The following NRDE2 variants were observed in gnomAD, a reference collection of about 807,000 sequenced individuals.
NRDE2 encodes NRDE-2, necessary for RNA interference, domain containing, also known as nuclear exosome regulator NRDE2.
In NRDE2, 76 loss-of-function variants were observed where a neutral mutation model predicts 124.2. The ratio of observed to expected loss-of-function variants is 0.61; its 90% CI spans 0.51 to 0.74. The LOEUF (loss-of-function observed/expected upper bound fraction) is 0.74. Ranked by LOEUF, NRDE2 falls within the 30% of genes least tolerant of loss-of-function variation. NRDE2 has a pLI of 0.00. For missense variants in NRDE2, 1,314 were observed against 1,417.3 expected, an observed-to-expected ratio of 0.93 and a Z score of 1.17; for synonymous variants, 489 against 528.1, an observed-to-expected ratio of 0.93 and a Z score of 1.01.
At chr14:90,330,901 T>G (rs1277640216) in intron 1 of NRDE2, among the ~76,000 whole-genome samples, 1 of 151,914 alleles carries the variant, frequency 6.6e-6, no homozygotes, top group Non-Finnish European at 1.5e-5. Context: ...TTGCGCCCTG[T>G]CACATATGGC....
chr14:90,320,508 A>C (rs189534967), intron 1 of NRDE2, among the ~76,000 whole-genome samples: 1 of 152,340 alleles, frequency 6.6e-6, no homozygotes, highest in East Asian at 1.9e-4. Context: ...TCAAGATGAG[A>C]TTTGCAGGGG....
chr14:90,290,384 C>T lies in NRDE2; in HGVS notation c.2066G>A (p.Cys689Tyr). 2 of 1,614,158 alleles carry T rather than the reference C, an allele frequency of 1.2e-6. No homozygotes were observed. The highest frequency in any genetic ancestry group is 1.7e-6 in the Non-Finnish European group (2 of 1,180,032). The change falls in exon 10 of 14, where the codon TGT becomes TAT. Residue 689 changes from cysteine (C) to tyrosine (Y), a missense_variant. By Grantham distance (194) the Cys-to-Tyr change is radical (BLOSUM62 -2). Coordinates refer to ENST00000354366, the MANE Select transcript of NRDE2 (RefSeq NM_017970.4). ...FFNPLFSGAS[C>Y]VGRMDRLGYP... ...GCCCAACCTATCCATGCGGCCAACA[C>T]AGCTAGCCCCAGAAAACAAAGGGTT...
intron 4 of NRDE2, among the ~76,000 whole-genome samples, chr14:90,308,366 C>T (rs542168469): frequency 2.6e-5 from 4 of 152,132 alleles, no homozygotes; most frequent in Non-Finnish European, 4.4e-5. Flanking sequence ...GGGATGCTCA[C>T]GGGAGTAGAG....
chr14:90,279,896 C>T (rs1364845395), intron 12 of NRDE2: 1 of 152,294 alleles, frequency 6.6e-6, no homozygotes, highest in African/African-American at 2.4e-5. Flanking sequence ...TCCACCCACC[C>T]CGTCCTGCAG....
chr14:90,297,244 A>T (rs781762441), intron 8 of NRDE2, among the ~76,000 whole-genome samples: 9 of 152,162 alleles, frequency 5.9e-5, no homozygotes, highest in Non-Finnish European at 1.2e-4. Flanking sequence ...AAAGAATGCA[A>T]AATACCTAGT....
In NRDE2 at chr14:90,279,119, A is replaced by G. The variant is rs368054420; in HGVS notation, c.3312T>C (p.Asn1104=). 1.7e-4 allele frequency: 277 copies of G among 1,611,880 alleles called. No homozygotes were observed. The highest frequency in any genetic ancestry group is 2.3e-4 in the Non-Finnish European group (274 of 1,177,996). Reference sequence around the variant, plus strand: ...AGAATACACCTTTGCTTCTTTCTTTATTTCCTAAGGAAACCTGAGGTGAGG... The same window carrying G: ...AGAATACACCTTTGCTTCTTTCTTTGTTTCCTAAGGAAACCTGAGGTGAGG... ...MYLNFLVSLG[N]KERSKGVFYK... is the part of the protein sequence containing the mutation. Residue 1104 remains asparagine, a synonymous_variant, in exon 13 of 14, where the codon AAT becomes AAC. Transcript: ENST00000354366.
chr14:90,290,078 AC>A, intron 10 of NRDE2, 142 bp downstream of exon 10: 6 of 845,220 alleles, frequency 7.1e-6, no homozygotes, highest in Non-Finnish European at 1.1e-5. Context: ...GGGCAAACAC[AC>A]ACAAGGTGCC....
Position 90,269,798 on chromosome 14 carries a change from C to A in NRDE2, c.*8538G>T. 1 of 426,290 alleles carries A rather than the reference C, an allele frequency of 2.3e-6. No individual in the cohort carries two copies. Among genetic ancestry groups the A allele is most frequent in the Non-Finnish European group, 4.1e-6 (1 of 243,232 alleles). The allele number at this position is 426,290 out of a possible 1,614,324, so 26.4% of individuals were successfully genotyped here. Reference sequence around the variant, plus strand: ...CTTTTCCATAACATTCCCTTTTTAGCCTCAAGAACTTGCTGCTTTTTCTGG... The same window carrying A: ...CTTTTCCATAACATTCCCTTTTTAGACTCAAGAACTTGCTGCTTTTTCTGG... On this transcript the variant is annotated 3_prime_UTR_variant, in exon 14 of 14. Coordinates refer to ENST00000354366, the MANE Select transcript of NRDE2 (RefSeq NM_017970.4).
At chr14:90,313,106 T>C (rs185462655) in intron 3 of NRDE2, among the ~76,000 whole-genome samples, 1 of 151,224 alleles carries the variant, frequency 6.6e-6, no homozygotes, top group Admixed American at 6.6e-5. Flanking sequence ...CACTTAGGCT[T>C]GGTCTCAGCC....
In NRDE2 at chr14:90,292,882, AATG is replaced by A; in HGVS notation, c.1667-13_1667-11del. ...TCATCGTCATCCTCATCTAGACAAG[AATG>A]AGACTTCTTCACCTCATCAGCAAAT... is the stretch of plus-strand genomic sequence containing the variant. On this transcript the variant is annotated splice_polypyrimidine_tract_variant and intron_variant, in intron 8 of 13. Transcript: ENST00000354366. 6.2e-7 allele frequency: 1 copy of A among 1,608,374 alleles called. No homozygotes were observed. Among genetic ancestry groups the A allele is most frequent in the Admixed American group, 1.7e-5 (1 of 59,846 alleles).
intron 7 of NRDE2, among the ~76,000 whole-genome samples, chr14:90,300,770 G>GA (rs1884363684): frequency 7.2e-6 from 1 of 138,468 alleles, no homozygotes; most frequent in Admixed American, 7.6e-5. Flanking sequence ...TGTAAGGGTG[G>GA]AAGAGAGTAA....
In NRDE2 at chr14:90,273,386, CA is replaced by C. The variant is rs1057286633; in HGVS notation, c.*4949del. Reference sequence around the variant, plus strand: ...CAGCCTGGCCAACATGGTGAAACCCCATCTTTACTAAAAATACAAAAATTAG... The same window carrying C: ...CAGCCTGGCCAACATGGTGAAACCCCTCTTTACTAAAAATACAAAAATTAG... On this transcript the variant is annotated 3_prime_UTR_variant, in exon 14 of 14. Transcript: ENST00000354366. The C allele has an allele frequency of 1.5e-4, 11 of 72,738 alleles. No individual in the cohort carries two copies. The highest frequency in any genetic ancestry group is 3.6e-4 in the African/African-American group (11 of 30,944). The allele number at this position is 72,738 out of a possible 1,614,324, so 4.5% of individuals were successfully genotyped here. A position where few individuals can be genotyped will look rare whatever the true frequency, so the allele number is the denominator to read the frequency against.
rs1178295514 is a variant in NRDE2 at position 90,274,098 on chromosome 14, G to A, written c.*4238C>T. 1.3e-5 allele frequency: 2 copies of A among 154,646 alleles called. No homozygotes were observed. Among genetic ancestry groups the A allele is most frequent in the East Asian group, 1.9e-4 (1 of 5,212 alleles). The allele number at this position is 154,646 out of a possible 1,614,324, so 9.6% of individuals were successfully genotyped here. On this transcript the variant is annotated 3_prime_UTR_variant, in exon 14 of 14. Transcript: ENST00000354366. ...TGCCTACCACAGAGGACATCCACAC[G>A]TGGGGGTGGCCCAGTGCAGGGTAAG...
intron 9 of NRDE2, 47 bp from the exon 10 acceptor site, chr14:90,290,654 C>A: frequency 6.4e-7 from 1 of 1,550,648 alleles, no homozygotes; most frequent in Non-Finnish European, 8.7e-7. Flanking sequence ...AAACAAAACC[C>A]GCACATTTGT....
intron 12 of NRDE2, among the ~76,000 whole-genome samples, chr14:90,282,875 C>T (rs1454092136): frequency 6.6e-6 from 1 of 152,176 alleles, no homozygotes; most frequent in Non-Finnish European, 1.5e-5. Flanking sequence ...CCATATTGGC[C>T]AGGCCGGTCT....
rs1331402822 is a variant in NRDE2, at chr14:90,328,070, G to A, written c.64+3771C>T. On this transcript the variant is annotated intron_variant, in intron 1 of 13. Transcript: ENST00000354366. ...AGGCAGGAAAATGGCGTGAACCCGG[G>A]AGGCGGAGCTTGCAGTGAGCCAAGA... Among the ~76,000 whole-genome samples the A allele has an allele frequency of 2.8e-4, 42 of 151,998 alleles. 1 individual carries two copies. Among genetic ancestry groups the A allele is most frequent in the Admixed American group, 2.7e-3 (41 of 15,280 alleles).
intron 8 of NRDE2, among the ~76,000 whole-genome samples, chr14:90,295,093 G>C (rs1427249501): frequency 6.6e-6 from 1 of 152,088 alleles, no homozygotes; most frequent in Non-Finnish European, 1.5e-5. Context: ...ACACACCAAT[G>C]AGTGCATGTA....
intron 12 of NRDE2, among the ~76,000 whole-genome samples, chr14:90,282,704 G>A (rs1891987437): frequency 6.6e-6 from 1 of 150,860 alleles, no homozygotes; most frequent in South Asian, 2.1e-4. Context: ...TTTCACTCTT[G>A]TTGCCTAGAC....
chr14:90,272,065 T>G lies in NRDE2; in HGVS notation c.*6271A>C. ...CTGCCACCGTCCCTGGCTAACTTTT[T>G]GTATTTTTAGTAGAGATGGGGTTTC... is the stretch of plus-strand genomic sequence containing the variant. On this transcript the variant is annotated 3_prime_UTR_variant, in exon 14 of 14. Transcript: ENST00000354366. The surrounding 1 kb of genome is among the most constrained non-coding windows in gnomAD (Gnocchi z 4.5). 2.6e-6 allele frequency: 1 copy of G among 390,774 alleles called. No homozygotes were observed. The highest frequency in any genetic ancestry group is 4.8e-6 in the Non-Finnish European group (1 of 208,356). The allele number at this position is 390,774 out of a possible 1,614,324, so 24.2% of individuals were successfully genotyped here. A position where few individuals can be genotyped will look rare whatever the true frequency, so the allele number is the denominator to read the frequency against.
Sources: gnomAD v4.1 joint callset for allele counts (sites outside exome capture counted in the v4.1 genomes callset) on GRCh38, gnomAD v4.1.1 for gene constraint, Gnocchi (gnomAD v3.1) non-coding constraint, MANE v1.5 for transcripts, NCBI Gene and HGNC (gene_info 2026-07-23, HGNC 2026-07-21) for gene names.